Variants in PLB1 observed in about 807,000 individuals in gnomAD.
PLB1 encodes phospholipase B1, also known as phospholipase B1, membrane-associated.
A neutral mutation model predicts 227.4 loss-of-function variants in PLB1; 242 were observed. The observed-to-expected ratio is 1.06, with a 90% CI of 0.96 to 1.18. PLB1 has a LOEUF of 1.18. Among genes scored for constraint, PLB1 ranks in the 50% most tolerant of loss-of-function variants. The pLI is 0.00. For synonymous variants in PLB1, 757 were observed against 682.2 expected (o/e 1.11, Z -1.71); for missense variants, 1,858 against 1,816.3 (o/e 1.02, Z -0.42).
chr2:28,621,582 C>G (rs1021348942), intron 49 of PLB1, among the ~76,000 whole-genome samples: 1 of 152,162 alleles, frequency 6.6e-6, no homozygotes, highest in Non-Finnish European at 1.5e-5. Context: ...AATGCCTGAC[C>G]AGGCTCATTG....
chr2:28,508,601 C>T (rs1667891242), intron 1 of PLB1, among the ~76,000 whole-genome samples: 1 of 152,196 alleles, frequency 6.6e-6, no homozygotes, highest in Non-Finnish European at 1.5e-5. Flanking sequence ...CCACCTTGTG[C>T]AGTGCAGCAC....
rs1172322849 is a variant in PLB1, at chr2:28,529,641, C to T, written c.417-87C>T. ...GGGGTGGATAAAGCTTAGAGACTGA[C>T]ACCTGAGCTATGGCAAGGGGCAAGC... On this transcript the variant is annotated intron_variant, in intron 7 of 57. Transcript: ENST00000327757. 8.1e-6 allele frequency: 11 copies of T among 1,360,638 alleles called. No individual in the cohort carries two copies. In the East Asian group the frequency reaches 1.4e-4, roughly 17 times the overall value. 84.3% of individuals were successfully genotyped at this position (1,360,638 alleles called of 1,614,324 possible).
At chr2:28,642,781 G>A (rs774677090) in intron 57 of PLB1, 77 bp from the exon 58 acceptor site, 11 of 1,261,826 alleles carry the variant, frequency 8.7e-6, no homozygotes, top group Non-Finnish European at 1.2e-5. Flanking sequence ...CTCAGGAATG[G>A]GGACTAGGCA....
intron 21 of PLB1, 70 bp from the exon 22 acceptor site, chr2:28,578,037 C>T (rs1679284044): frequency 6.8e-7 from 1 of 1,467,386 alleles, no homozygotes; most frequent in South Asian, 1.1e-5. Flanking sequence ...CATTTGATTG[C>T]TGTTCTCTCT....
intron 1 of PLB1, among the ~76,000 whole-genome samples, chr2:28,500,751 AAAAAGAAAAG>A (rs60094661): frequency 1.3e-5 from 2 of 152,276 alleles, no homozygotes; most frequent in East Asian, 3.9e-4. Context: ...GTCTCCAAAA[AAAAAGAAAAG>A]AAAAGAAAAG....
At chr2:28,641,098 C>G in intron 57 of PLB1, 97 bp downstream of exon 57, 1 of 1,149,258 alleles carries the variant, frequency 8.7e-7, no homozygotes, top group Non-Finnish European at 1.2e-6. Flanking sequence ...GGGATGCTCC[C>G]TCAAATGCGG....
rs749565595 is a variant in PLB1 at position 28,604,740 on chromosome 2, T to C, written c.2942T>C (p.Ile981Thr). 4.3e-6 allele frequency: 7 copies of C among 1,614,004 alleles called. No homozygotes were observed. In the Admixed American group the frequency reaches 1.0e-4, roughly 23 times the overall value. ...GTGCTGCAGCCCTTCTTCCAGAACA[T>C]CCAGCTCCCTGTCCTGGCGGTATGT... The part of the protein sequence containing the change: ...SVVLQPFFQN[I>T]QLPVLADGLP... Residue 981 changes from isoleucine (I) to threonine (T), a missense_variant, in exon 41 of 58, where the codon ATC becomes ACC. Physicochemically the swap from Ile to Thr is moderately conservative, Grantham distance 89 (BLOSUM62 -1). Coordinates refer to ENST00000327757, the MANE Select transcript of PLB1 (RefSeq NM_153021.5).
intron 17 of PLB1, among the ~76,000 whole-genome samples, chr2:28,555,685 A>G (rs1014027312): frequency 3.3e-5 from 5 of 152,194 alleles, no homozygotes; most frequent in African/African-American, 9.7e-5. Context: ...TAGAAGCCCA[A>G]TAAATATTTG....
chr2:28,591,613 T>G (rs767544145), intron 30 of PLB1, 87 bp from the exon 31 acceptor site: 3 of 1,387,090 alleles, frequency 2.2e-6, no homozygotes, highest in Non-Finnish European at 3.0e-6. Flanking sequence ...GAATCTGTAT[T>G]TTTCAAAGTT....
chr2:28,545,513 G>A (rs989687293), intron 14 of PLB1, among the ~76,000 whole-genome samples: 2 of 152,162 alleles, frequency 1.3e-5, no homozygotes, highest in African/African-American at 2.4e-5. Flanking sequence ...CAGAAAACCC[G>A]GGCTCTGATT....
At chr2:28,606,460 T>C (rs758557424) in intron 42 of PLB1, 36 bp from the exon 43 acceptor site, 133 of 1,590,308 alleles carry the variant, frequency 8.4e-5, no homozygotes, top group Non-Finnish European at 1.1e-4. Flanking sequence ...GGAAACAAAC[T>C]ACTACACCCG....
chr2:28,542,221 A>G (rs908573915), intron 13 of PLB1, among the ~76,000 whole-genome samples: 3 of 152,100 alleles, frequency 2.0e-5, no homozygotes, highest in South Asian at 2.1e-4. Context: ...CCTTACCCCA[A>G]TAAGCCTCAG....
rs547372130 is a variant in PLB1 at position 28,533,028 on chromosome 2, C to T, written c.555+834C>T. On this transcript the variant is annotated intron_variant, in intron 9 of 57. Coordinates refer to ENST00000327757, the MANE Select transcript of PLB1 (RefSeq NM_153021.5). ...ATCCTGAAGACTGGCTGCTGCCACA[C>T]TGTCCCTGCCACTTGTGGGACCAGC... is the stretch of plus-strand genomic sequence containing the variant. 3.9e-5 allele frequency among the ~76,000 whole-genome samples: 6 copies of T among 152,358 alleles called. No individual in the cohort carries two copies. In the South Asian group the frequency reaches 1.2e-3, roughly 32 times the overall value.
At chr2:28,622,803 T>G (rs1687216811) in intron 49 of PLB1, among the ~76,000 whole-genome samples, 1 of 152,188 alleles carries the variant, frequency 6.6e-6, no homozygotes, top group South Asian at 2.1e-4. Context: ...GGAGAATCAC[T>G]TGAACCCAGG....
At chr2:28,536,582 C>G (rs1292004382) in intron 9 of PLB1, among the ~76,000 whole-genome samples, 1 of 152,124 alleles carries the variant, frequency 6.6e-6, no homozygotes, top group Non-Finnish European at 1.5e-5. Context: ...TGGTTTAAAT[C>G]CCAATAAAAT....
At chr2:28,642,441 A>T (rs1690079397) in intron 57 of PLB1, among the ~76,000 whole-genome samples, 1 of 152,134 alleles carries the variant, frequency 6.6e-6, no homozygotes, top group South Asian at 2.1e-4. Context: ...TTCATCTACT[A>T]CAAAACCAGC....
At chr2:28,600,473 TA>T (rs1482061303) in intron 35 of PLB1, among the ~76,000 whole-genome samples, 3 of 152,212 alleles carry the variant, frequency 2.0e-5, no homozygotes, top group Non-Finnish European at 4.4e-5. Flanking sequence ...TTTTAGGATC[TA>T]AACTAGTCTT....
chr2:28,620,970 C>T lies in PLB1; in HGVS notation c.3519C>T (p.Ala1173=), dbSNP rs1381265134. The T allele has an allele frequency of 6.2e-7, 1 of 1,611,184 alleles. No individual in the cohort carries two copies. The highest frequency in any genetic ancestry group is 1.7e-5 in the Admixed American group (1 of 59,830). Residue 1173 remains alanine (A), a synonymous_variant, in exon 49 of 58, where the codon GCC becomes GCT. Transcript: ENST00000327757. ...GACTAAATGTGGCAGCGGAAGGGGC[C>T]AGAGCTAGGTGAGTAGATGCCGTAC... The part of the protein sequence containing the change: ...TAGLNVAAEG[A]RARDMPAQAW...
At chr2:28,616,676 TGTGA>T (rs1343207919) in intron 44 of PLB1, among the ~76,000 whole-genome samples, 28 of 152,378 alleles carry the variant, frequency 1.8e-4, no homozygotes, top group African/African-American at 5.8e-4. Flanking sequence ...TTGCATTTTC[TGTGA>T]GTATTTGTCA....
Sources: allele counts gnomAD v4.1 joint callset (sites outside exome capture counted in the v4.1 genomes callset), GRCh38; gene constraint gnomAD v4.1.1; transcripts MANE v1.5; gene names NCBI Gene and HGNC (gene_info 2026-07-23, HGNC 2026-07-21).